MACROD2: variants seen among roughly 807,000 people sequenced by gnomAD.
The protein encoded by MACROD2 is mono-ADP ribosylhydrolase 2.
In MACROD2, 36 loss-of-function variants were observed where a neutral mutation model predicts 70.4. The observed-to-expected ratio is 0.51, with a 90% CI of 0.39 to 0.68. MACROD2 has a LOEUF of 0.68. Among genes scored for constraint, MACROD2 ranks in the 30% least tolerant of loss-of-function variants. The probability of loss-of-function intolerance (pLI) is 0.00; values close to 1 mark genes in which losing one functional copy is unlikely to be tolerated. For synonymous variants in MACROD2, 172 were observed against 178.8 expected, an observed-to-expected ratio of 0.96 and a Z score of 0.30; for missense variants, 496 against 538.4, an observed-to-expected ratio of 0.92 and a Z score of 0.78.
At position 13,995,841 on chromosome 20, in the gene MACROD2, GCGGT is replaced by G; in HGVS notation, c.46+33_46+36del. On this transcript the variant is annotated intron_variant, in intron 1 of 17. Coordinates refer to ENST00000684519, the MANE Select transcript of MACROD2 (RefSeq NM_001351661.2). This position sits in a 1 kb window ranked among gnomAD's most constrained non-coding sequence, Gnocchi z 4.3. ...GGCCCGTCGAGTCCTGGGGGTGCGG[GCGGT>G]GGGGGTTAGGGTGGGGGCGGGGGTC... The G allele has an allele frequency of 6.5e-7, 1 of 1,546,806 alleles. No individual in the cohort carries two copies. The highest frequency in any genetic ancestry group is 8.7e-7 in the Non-Finnish European group (1 of 1,143,580).
intron 5 of MACROD2, among the ~76,000 whole-genome samples, chr20:15,073,451 A>T (rs2075634002): frequency 6.9e-6 from 1 of 144,586 alleles, no homozygotes; most frequent in East Asian, 2.1e-4. Context: ...ATTATTTCAG[A>T]AGTGTAATTC....
rs542467520 is a variant in MACROD2 at position 15,930,156 on chromosome 20, CT to C, written c.776-3118del. Reference sequence around the variant, plus strand: ...CGTTATTGTAAGGCTTTTAAAATCCCTTCTGGAAACCTCAAGTTTACACATC... The same window carrying C: ...CGTTATTGTAAGGCTTTTAAAATCCCTCTGGAAACCTCAAGTTTACACATC... On this transcript the variant is annotated intron_variant, in intron 10 of 17. Coordinates refer to ENST00000684519, the MANE Select transcript of MACROD2 (RefSeq NM_001351661.2). 3.2e-3 allele frequency among the ~76,000 whole-genome samples: 494 copies of C among 152,268 alleles called. 2 individuals carry two copies. Among genetic ancestry groups the C allele is most frequent in the African/African-American group, 0.011 (458 of 41,562 alleles).
intron 3 of MACROD2, among the ~76,000 whole-genome samples, chr20:14,344,873 A>C (rs544510226): frequency 3.9e-5 from 6 of 152,336 alleles, no homozygotes; most frequent in Admixed American, 3.9e-4. Flanking sequence ...CTGTTTGAGC[A>C]GCTTTGGATG....
chr20:15,431,484 T>C (rs986365701), intron 7 of MACROD2, 49 bp downstream of exon 7: 2 of 1,543,134 alleles, frequency 1.3e-6, no homozygotes, highest in Non-Finnish European at 1.8e-6. Context: ...ATTTTGCTGT[T>C]AAATGCAGAG....
chr20:15,547,912 G>A (rs2048045542), intron 8 of MACROD2, among the ~76,000 whole-genome samples: 2 of 152,142 alleles, frequency 1.3e-5, no homozygotes, highest in Non-Finnish European at 2.9e-5. Flanking sequence ...ACCCTCTCTA[G>A]TAATTGTGTC....
intron 3 of MACROD2, among the ~76,000 whole-genome samples, chr20:14,478,725 A>T (rs1035279059): frequency 6.6e-6 from 1 of 152,072 alleles, no homozygotes; most frequent in Non-Finnish European, 1.5e-5. Flanking sequence ...TCTGGGTCCT[A>T]TTTAAATCCC....
At chr20:15,520,431 C>A (rs1050797473) in intron 8 of MACROD2, among the ~76,000 whole-genome samples, 2 of 152,236 alleles carry the variant, frequency 1.3e-5, no homozygotes, top group Admixed American at 6.5e-5. Context: ...GCAGTGATAA[C>A]TGCAAGAGCA....
At chr20:14,375,408 CCT>C (rs2083362412) in intron 3 of MACROD2, among the ~76,000 whole-genome samples, 1 of 151,994 alleles carries the variant, frequency 6.6e-6, no homozygotes, top group Non-Finnish European at 1.5e-5. Flanking sequence ...TAAAGGATAC[CCT>C]GTTTCTGAAG....
chr20:15,850,228 C>T (rs866197746), intron 8 of MACROD2, among the ~76,000 whole-genome samples: 36 of 152,216 alleles, frequency 2.4e-4, no homozygotes, highest in Middle Eastern at 3.4e-3. Flanking sequence ...CCCTGGGAAA[C>T]CAGGCATTTA....
chr20:15,423,401 C>G (rs2046255619), intron 6 of MACROD2, among the ~76,000 whole-genome samples: 2 of 152,332 alleles, frequency 1.3e-5, no homozygotes, highest in South Asian at 4.1e-4. Context: ...GTCACATGCT[C>G]AAGTCTATCA....
intron 6 of MACROD2, among the ~76,000 whole-genome samples, chr20:15,363,799 T>A (rs562404586): frequency 1.0e-3 from 154 of 152,330 alleles, no homozygotes; most frequent in African/African-American, 3.6e-3. Flanking sequence ...TTATCATTAT[T>A]ATCCAGTATT....
chr20:14,360,081 G>T (rs1022245852), intron 3 of MACROD2, among the ~76,000 whole-genome samples: 1 of 151,362 alleles, frequency 6.6e-6, no homozygotes, highest in Non-Finnish European at 1.5e-5. Context: ...AAGTAGAATT[G>T]TGGTTACCGG....
chr20:14,463,566 C>CTATTCA (rs1387119897), intron 3 of MACROD2, among the ~76,000 whole-genome samples: 5 of 152,016 alleles, frequency 3.3e-5, no homozygotes, highest in African/African-American at 1.2e-4. Flanking sequence ...GAACTTCCAA[C>CTATTCA]ACTATGTTGA....
At chr20:14,256,136 T>C (rs529831387) in intron 3 of MACROD2, among the ~76,000 whole-genome samples, 1 of 152,244 alleles carries the variant, frequency 6.6e-6, no homozygotes, top group South Asian at 2.1e-4. Context: ...TATGCCTAAA[T>C]CTGTCCGTAT....
intron 3 of MACROD2, among the ~76,000 whole-genome samples, chr20:14,168,404 G>T (rs936941982): frequency 5.9e-5 from 9 of 152,046 alleles, no homozygotes; most frequent in Admixed American, 2.0e-4. Context: ...GCAGTTTTAA[G>T]TTTGCTTAAA....
At chr20:15,448,442 A>T (rs1352633383) in intron 7 of MACROD2, among the ~76,000 whole-genome samples, 1 of 152,154 alleles carries the variant, frequency 6.6e-6, no homozygotes, top group Non-Finnish European at 1.5e-5. Flanking sequence ...TGTCCTTCAT[A>T]GCCCTTAATA....
intron 3 of MACROD2, among the ~76,000 whole-genome samples, chr20:14,293,368 A>G (rs980465049): frequency 6.6e-6 from 1 of 151,882 alleles, no homozygotes; most frequent in Non-Finnish European, 1.5e-5. Context: ...AGAAAAAAGT[A>G]GAATAGAGAG....
chr20:14,264,107 G>A (rs962844336), intron 3 of MACROD2, among the ~76,000 whole-genome samples: 4 of 151,972 alleles, frequency 2.6e-5, no homozygotes, highest in East Asian at 3.9e-4. Context: ...TGAAGGAACC[G>A]AGCAGGCATA....
chr20:15,197,967 T>TTC (rs1249835586), intron 5 of MACROD2, among the ~76,000 whole-genome samples: 1 of 148,496 alleles, frequency 6.7e-6, no homozygotes, highest in Admixed American at 6.8e-5. Context: ...CTCCTTTTTT[T>TTC]TTTTTTTTTT....
Sources: allele counts gnomAD v4.1 joint callset (sites outside exome capture counted in the v4.1 genomes callset), GRCh38; gene constraint gnomAD v4.1.1; non-coding constraint Gnocchi (gnomAD v3.1); transcripts MANE v1.5; gene names NCBI Gene and HGNC (gene_info 2026-07-23, HGNC 2026-07-21).